TMEM132B: variants seen among roughly 807,000 people sequenced by gnomAD.
TMEM132B encodes transmembrane protein 132B.
A neutral mutation model predicts 90.8 loss-of-function variants in TMEM132B; 18 were observed. The observed-to-expected ratio is 0.20, with a 90% CI of 0.14 to 0.29. TMEM132B has a LOEUF of 0.29. Ranked by LOEUF, TMEM132B falls within the 10% of genes least tolerant of loss-of-function variation. The probability of loss-of-function intolerance (pLI) is 1.00; values close to 1 mark genes in which losing one functional copy is unlikely to be tolerated. For missense variants in TMEM132B, 1,096 were observed against 1,326.8 expected (o/e 0.83, Z 2.70); for synonymous variants, 504 against 523.3 (o/e 0.96, Z 0.50).
At position 125,657,050 on chromosome 12, in the gene TMEM132B, C is replaced by T. The variant is rs574669504; in HGVS notation, c.*2340C>T. 5.9e-5 allele frequency: 9 copies of T among 152,296 alleles called. No homozygotes were observed. Among genetic ancestry groups the T allele is most frequent in the African/African-American group, 1.9e-4 (8 of 41,534 alleles). The allele number at this position is 152,296 out of a possible 1,614,324, so 9.4% of individuals were successfully genotyped here. ...AGGAACATAAAAATTAGAGCATTCCCTCTGATGGCAGTGCTTGACGGGGTG... is the reference window on the plus strand; with the variant it reads ...AGGAACATAAAAATTAGAGCATTCCTTCTGATGGCAGTGCTTGACGGGGTG... On this transcript the variant is annotated 3_prime_UTR_variant, in exon 9 of 9. Coordinates refer to ENST00000682704, the MANE Select transcript of TMEM132B (RefSeq NM_001366854.1).
At chr12:125,298,386 T>A (rs1485024320) in intron 1 of TMEM132B, among the ~76,000 whole-genome samples, 2 of 149,142 alleles carry the variant, frequency 1.3e-5, no homozygotes, top group Admixed American at 1.3e-4. Flanking sequence ...TCAAGAGTGT[T>A]ACATCGGCAG....
At chr12:125,267,087 C>T (rs554024308) in intron 1 of TMEM132B, among the ~76,000 whole-genome samples, 18 of 152,306 alleles carry the variant, frequency 1.2e-4, no homozygotes, top group Admixed American at 7.2e-4. Context: ...ATGTGGCAAG[C>T]GCTGTATCAT....
chr12:125,510,772 T>G (rs990108728), intron 3 of TMEM132B, among the ~76,000 whole-genome samples: 11 of 152,218 alleles, frequency 7.2e-5, no homozygotes, highest in African/African-American at 2.7e-4. Flanking sequence ...CATGCATGTT[T>G]TTTTGCAGTT....
At chr12:125,552,716 C>T (rs1174324514) in intron 4 of TMEM132B, among the ~76,000 whole-genome samples, 3 of 152,176 alleles carry the variant, frequency 2.0e-5, no homozygotes, top group East Asian at 3.8e-4. Context: ...ATGGTTTGAC[C>T]GCATGATGTG....
intron 5 of TMEM132B, among the ~76,000 whole-genome samples, chr12:125,637,451 C>T (rs1886512377): frequency 6.6e-6 from 1 of 152,132 alleles, no homozygotes; most frequent in Non-Finnish European, 1.5e-5. Flanking sequence ...GTCCTGAAGA[C>T]ATGTGCCCAA....
rs1163533699 is a variant in TMEM132B at position 125,407,479 on chromosome 12, A to G, written c.960-8052A>G. Among the ~76,000 whole-genome samples the G allele has an allele frequency of 6.6e-6, 1 of 152,164 alleles. No homozygotes were observed. Among genetic ancestry groups the G allele is most frequent in the African/African-American group, 2.4e-5 (1 of 41,436 alleles). ...GGATGCTATGGGCTGGGAAAGACAT[A>G]TGGGGAGTGAGATGGAGAAGGTGTG... On this transcript the variant is annotated intron_variant, in intron 2 of 8. Transcript: ENST00000682704. The surrounding 1 kb of genome is among the most constrained non-coding windows in gnomAD (Gnocchi z 6.7).
At position 125,644,299 on chromosome 12, in the gene TMEM132B, A is replaced by G. The variant is rs533998631; in HGVS notation, c.1643+18A>G. ...AACAGAAGGTGAGGAATCAAAGAGA[A>G]GGCTGTGGATCCGATTGTCCTGGAG... On this transcript the variant is annotated intron_variant, in intron 6 of 8. Coordinates refer to ENST00000682704, the MANE Select transcript of TMEM132B (RefSeq NM_001366854.1). 4 of 1,613,452 alleles carry G rather than the reference A, an allele frequency of 2.5e-6. No homozygotes were observed. Among genetic ancestry groups the G allele is most frequent in the East Asian group, 2.2e-5 (1 of 44,854 alleles).
At chr12:125,236,936 CA>C (rs1873950904) in intron 1 of TMEM132B, among the ~76,000 whole-genome samples, 1 of 152,138 alleles carries the variant, frequency 6.6e-6, no homozygotes. Flanking sequence ...GGTGCGGGAG[CA>C]GGAGTGGAGC....
intron 4 of TMEM132B, among the ~76,000 whole-genome samples, chr12:125,553,573 C>T (rs534085185): frequency 1.3e-4 from 20 of 152,174 alleles, no homozygotes; most frequent in African/African-American, 1.4e-4. Flanking sequence ...TGGGGTCTGA[C>T]GGAGGAAAGT....
At chr12:125,381,172 G>A (rs1370437173) in intron 2 of TMEM132B, among the ~76,000 whole-genome samples, 2 of 152,156 alleles carry the variant, frequency 1.3e-5, no homozygotes, top group Admixed American at 1.3e-4. Context: ...AGACACTGGG[G>A]ATTTGATATT....
intron 3 of TMEM132B, among the ~76,000 whole-genome samples, chr12:125,448,963 TC>T (rs1881076975): frequency 3.4e-5 from 5 of 147,066 alleles, no homozygotes; most frequent in Non-Finnish European, 4.5e-5. Flanking sequence ...CATTCATATA[TC>T]TTTTTTTTTT....
intron 3 of TMEM132B, among the ~76,000 whole-genome samples, chr12:125,511,648 C>G (rs914669822): frequency 6.6e-6 from 1 of 151,436 alleles, no homozygotes; most frequent in African/African-American, 2.4e-5. Context: ...GTTAGGAGAT[C>G]GAGAGCATCC....
chr12:125,553,942 GA>G (rs958911571), intron 4 of TMEM132B, among the ~76,000 whole-genome samples: 11 of 151,988 alleles, frequency 7.2e-5, no homozygotes, highest in Non-Finnish European at 1.2e-4. Context: ...AATAATGAAT[GA>G]AAAAAACTCT....
chr12:125,344,679 AG>A, intron 1 of TMEM132B, among the ~76,000 whole-genome samples: 1 of 152,246 alleles, frequency 6.6e-6, no homozygotes, highest in East Asian at 1.9e-4. Context: ...GCAAGGGAGC[AG>A]GGAACTACAT....
Position 125,661,599 on chromosome 12 carries a change from G to A in TMEM132B, c.*6889G>A, listed in dbSNP as rs970804794. On this transcript the variant is annotated 3_prime_UTR_variant, in exon 9 of 9. Coordinates refer to ENST00000682704, the MANE Select transcript of TMEM132B (RefSeq NM_001366854.1). ...TATCCTCTGCTGTGACCCTTATTTT[G>A]GACTTCTAGCAAGGGCATTCAGTGT... The A allele has an allele frequency of 1.3e-5, 2 of 152,100 alleles. No homozygotes were observed. The highest frequency in any genetic ancestry group is 4.8e-5 in the African/African-American group (2 of 41,390). The allele number at this position is 152,100 out of a possible 1,614,324, so 9.4% of individuals were successfully genotyped here. A position where few individuals can be genotyped will look rare whatever the true frequency, so the allele number is the denominator to read the frequency against.
chr12:125,454,539 C>CAT (rs1881241228), intron 3 of TMEM132B, among the ~76,000 whole-genome samples: 1 of 152,166 alleles, frequency 6.6e-6, no homozygotes, highest in Non-Finnish European at 1.5e-5. Flanking sequence ...TTAAGGTCTT[C>CAT]ATATAGGCAT....
chr12:125,195,883 A>G (rs1483665967), intron 1 of TMEM132B, among the ~76,000 whole-genome samples: 5 of 152,122 alleles, frequency 3.3e-5, no homozygotes, highest in Admixed American at 2.0e-4. Context: ...GGCCAGTGAG[A>G]GCTGTTCCCT....
intron 1 of TMEM132B, among the ~76,000 whole-genome samples, chr12:125,289,299 A>G (rs1324070801): frequency 6.6e-6 from 1 of 152,226 alleles, no homozygotes; most frequent in African/African-American, 2.4e-5. Flanking sequence ...TAAAATGAAG[A>G]TAGAATTGTT....
intron 2 of TMEM132B, among the ~76,000 whole-genome samples, chr12:125,398,372 AAAG>A (rs1429253926): frequency 6.6e-6 from 1 of 152,254 alleles, no homozygotes; most frequent in Non-Finnish European, 1.5e-5. Flanking sequence ...ATAAATGATC[AAAG>A]AAGACCGATG....
Sources: gnomAD v4.1 joint callset for allele counts (sites outside exome capture counted in the v4.1 genomes callset) on GRCh38, gnomAD v4.1.1 for gene constraint, Gnocchi (gnomAD v3.1) non-coding constraint, MANE v1.5 for transcripts, NCBI Gene and HGNC (gene_info 2026-07-23, HGNC 2026-07-21) for gene names.